Variants in MARCHF8 observed in about 807,000 individuals in gnomAD.
The protein encoded by MARCHF8 is E3 ubiquitin-protein ligase MARCHF8.
MARCHF8 carries 40 observed loss-of-function variants against 51.6 expected under a neutral mutation model. The ratio of observed to expected loss-of-function variants is 0.77; its 90% CI spans 0.60 to 1.01. MARCHF8 has a LOEUF of 1.01. MARCHF8 is among the 50% of genes least tolerant of loss of function. The probability of loss-of-function intolerance (pLI) is 0.00; values close to 1 mark genes in which losing one functional copy is unlikely to be tolerated. For synonymous variants in MARCHF8, 263 were observed against 280.3 expected (o/e 0.94, Z 0.62); for missense variants, 685 against 708.6 (o/e 0.97, Z 0.38).
intron 3 of MARCHF8, among the ~76,000 whole-genome samples, chr10:45,485,333 T>C (rs972593032): frequency 1.3e-5 from 2 of 152,208 alleles, no homozygotes; most frequent in East Asian, 3.8e-4. Flanking sequence ...AGGATGTTAA[T>C]TGGAGGTGAC....
intron 1 of MARCHF8, among the ~76,000 whole-genome samples, chr10:45,580,711 G>C (rs1236416006): frequency 1.3e-5 from 2 of 152,114 alleles, no homozygotes; most frequent in African/African-American, 4.8e-5. Flanking sequence ...AACATGCTTG[G>C]AGCTTTCGTT....
At chr10:45,547,495 A>G (rs991252518) in intron 1 of MARCHF8, among the ~76,000 whole-genome samples, 1 of 152,196 alleles carries the variant, frequency 6.6e-6, no homozygotes, top group Admixed American at 6.5e-5. Flanking sequence ...TCCCTGACTA[A>G]GCGGGGATTC....
intron 1 of MARCHF8, among the ~76,000 whole-genome samples, chr10:45,541,252 G>C (rs1164353192): frequency 2.0e-5 from 3 of 152,186 alleles, no homozygotes; most frequent in Non-Finnish European, 4.4e-5. Flanking sequence ...AAAAAAGGAT[G>C]AATTCATGTC....
chr10:45,461,351 T>C lies in MARCHF8; in HGVS notation c.1149A>G (p.Gly383=). ...AGGCCTGGTGCACGAAGTGGAGGCT[T>C]CCTGTGCAGTGGCAGGGGGTGATCA... ...SPLITPCHCT[G]SLHFVHQACL... is the part of the protein sequence containing the mutation. Residue 383 remains glycine (G), a synonymous_variant, in exon 6 of 8, where the codon GGA becomes GGG. Transcript: ENST00000453424. 1 of 1,607,162 alleles carries C rather than the reference T, an allele frequency of 6.2e-7. No homozygotes were observed. The highest frequency in any genetic ancestry group is 8.5e-7 in the Non-Finnish European group (1 of 1,177,198).
At chr10:45,558,770 C>T (rs879716196) in intron 1 of MARCHF8, among the ~76,000 whole-genome samples, 2 of 152,116 alleles carry the variant, frequency 1.3e-5, no homozygotes, top group African/African-American at 2.4e-5. Context: ...GGAGAGCATG[C>T]GGGGAGAAAA....
Position 45,469,864 on chromosome 10 carries a change from CAAAAAAAAAAAAAAA to C in MARCHF8, c.154-5552_154-5538del, listed in dbSNP as rs55832920. Among the ~76,000 whole-genome samples, 43 of 57,040 alleles carry C rather than the reference CAAAAAAAAAAAAAAA, an allele frequency of 7.5e-4. 2 individuals are homozygous for C. In the South Asian group the frequency reaches 0.018, roughly 24 times the overall value. The allele number at this position is 57,040 out of a possible 152,430, so 37.4% of individuals were successfully genotyped here. A position where few individuals can be genotyped will look rare whatever the true frequency, so the allele number is the denominator to read the frequency against. On this transcript the variant is annotated intron_variant, in intron 3 of 7. Transcript: ENST00000453424. The stretch of plus-strand genomic sequence containing the variant: ...TGGGCGACAGAGTGAGACTCCGTCT[CAAAAAAAAAAAAAAA>C]AAAAAAAAAAAAAAGCTACTTCTTA...
intron 1 of MARCHF8, among the ~76,000 whole-genome samples, chr10:45,543,316 TTC>T (rs1327671157): frequency 6.6e-6 from 1 of 152,196 alleles, no homozygotes; most frequent in Non-Finnish European, 1.5e-5. Flanking sequence ...GTGCTCCCTT[TTC>T]CTGGGTGATT....
intron 3 of MARCHF8, among the ~76,000 whole-genome samples, chr10:45,470,744 C>T (rs779653418): frequency 2.0e-5 from 3 of 152,160 alleles, no homozygotes; most frequent in Non-Finnish European, 4.4e-5. Flanking sequence ...CTGCTCCTAA[C>T]GGTCAACTCG....
intron 1 of MARCHF8, among the ~76,000 whole-genome samples, chr10:45,583,876 C>T (rs191960863): frequency 2.7e-4 from 41 of 151,478 alleles, no homozygotes; most frequent in Middle Eastern, 3.4e-3. Flanking sequence ...GGTGATGGCA[C>T]GCGCCTGCAA....
At chr10:45,531,531 A>C (rs887443861) in intron 2 of MARCHF8, among the ~76,000 whole-genome samples, 1 of 152,210 alleles carries the variant, frequency 6.6e-6, no homozygotes, top group African/African-American at 2.4e-5. Flanking sequence ...GGCCAGAAGG[A>C]AAGAAATGAA....
upstream of MARCHF8, among the ~76,000 whole-genome samples, chr10:45,538,870 A>G (rs2044011944): frequency 6.6e-6 from 1 of 152,190 alleles, no homozygotes; most frequent in Admixed American, 6.5e-5. Context: ...TAATAATGGG[A>G]AAGTTTTAAC....
At chr10:45,535,769 T>C (rs1284131135), upstream of MARCHF8, among the ~76,000 whole-genome samples, 13 of 152,234 alleles carry the variant, frequency 8.5e-5, no homozygotes, top group Admixed American at 6.5e-5. Flanking sequence ...AATTAATCTT[T>C]ACACAGAATA....
At chr10:45,530,777 A>C (rs186301157) in intron 2 of MARCHF8, among the ~76,000 whole-genome samples, 9 of 152,330 alleles carry the variant, frequency 5.9e-5, no homozygotes, top group Admixed American at 5.9e-4. Flanking sequence ...GTACTCAAAA[A>C]TAAGTAAAAA....
Position 45,477,942 on chromosome 10 carries a change from A to G in MARCHF8, c.153+11425T>C, listed in dbSNP as rs937897645. ...AGCAAATATTATTAAATCTAAAGGG[A>G]GAGACAGACTTCAGTATAATAATAG... On this transcript the variant is annotated intron_variant, in intron 3 of 7. Transcript: ENST00000453424. 4.6e-5 allele frequency among the ~76,000 whole-genome samples: 7 copies of G among 152,180 alleles called. No individual in the cohort carries two copies. The South Asian group carries it at 1.4e-3, about 32-fold the overall frequency.
intron 1 of MARCHF8, among the ~76,000 whole-genome samples, chr10:45,574,891 A>G (rs2044471966): frequency 6.6e-6 from 1 of 152,138 alleles, no homozygotes; most frequent in Non-Finnish European, 1.5e-5. Context: ...TCACTCTTCC[A>G]AAAGGACTAC....
intron 6 of MARCHF8, among the ~76,000 whole-genome samples, chr10:45,460,631 C>T (rs954544823): frequency 6.6e-6 from 1 of 152,172 alleles, no homozygotes; most frequent in African/African-American, 2.4e-5. Context: ...AAACAGGAAG[C>T]CAGTGTGGCG....
intron 2 of MARCHF8, among the ~76,000 whole-genome samples, chr10:45,524,965 A>G (rs1395233543): frequency 2.0e-5 from 3 of 152,264 alleles, no homozygotes; most frequent in Non-Finnish European, 2.9e-5. Context: ...AGATACTGCA[A>G]TGTTAAAATT....
chr10:45,557,397 G>A (rs2044264421), intron 1 of MARCHF8, among the ~76,000 whole-genome samples: 1 of 151,922 alleles, frequency 6.6e-6, no homozygotes, highest in Non-Finnish European at 1.5e-5. Context: ...CCAATGTGCT[G>A]GGATTACAGA....
chr10:45,493,255 AG>A (rs1366716896), intron 2 of MARCHF8, among the ~76,000 whole-genome samples: 1 of 152,230 alleles, frequency 6.6e-6, no homozygotes, highest in African/African-American at 2.4e-5. Flanking sequence ...AGACATACCA[AG>A]GAGAAAAAAG....
Sources: gnomAD v4.1 joint callset for allele counts (sites outside exome capture counted in the v4.1 genomes callset) on GRCh38, gnomAD v4.1.1 for gene constraint, MANE v1.5 for transcripts, NCBI Gene and HGNC (gene_info 2026-07-23, HGNC 2026-07-21) for gene names.